PLK5: variants seen among roughly 807,000 people sequenced by gnomAD.
PLK5 encodes the protein inactive serine/threonine-protein kinase PLK5.
Under a neutral mutation model 33.7 loss-of-function variants are expected in PLK5, and 28 were observed. The ratio of observed to expected loss-of-function variants is 0.83; its 90% CI spans 0.62 to 1.14. PLK5 has a LOEUF of 1.14. Ranked by LOEUF, PLK5 falls within the 50% of genes most tolerant of loss-of-function variation. PLK5 has a pLI of 0.00. For synonymous variants in PLK5, 225 were observed against 202.2 expected (o/e 1.11, Z -0.96); for missense variants, 492 against 461.5 (o/e 1.07, Z -0.61).
At chr19:1,534,815 TAAA>T (rs33945378) in intron 13 of PLK5, among the ~76,000 whole-genome samples, 38,905 of 145,950 alleles carry the variant, frequency 0.27, 5,791 homozygotes, top group East Asian at 0.64. Context: ...GGACTCTGTT[TAAA>T]AAAAAAAAAA....
Position 1,535,148 on chromosome 19 carries a change from C to T in PLK5, c.909C>T (p.Ser303=), listed in dbSNP as rs265283. The change falls in exon 14 of 14, where the codon TCC becomes TCT. Residue 303 remains serine, a synonymous_variant. Transcript: ENST00000454744. ...AGCTCACCCTCTGGGAGCAGGGGTC[C>T]CCTGGCACCTCCTACTCCCTGGACG... ...GLQLTLWEQG[S]PGTSYSLDVP... is the part of the protein sequence containing the mutation. 8,649 of 1,535,786 alleles carry T rather than the reference C, an allele frequency of 5.6e-3. 454 individuals are homozygous for T. The African/African-American group carries it at 0.11, about 19-fold the overall frequency.
At chr19:1,531,129 G>A (rs1913916025) in intron 11 of PLK5, among the ~76,000 whole-genome samples, 17 of 151,318 alleles carry the variant, frequency 1.1e-4, no homozygotes, top group Admixed American at 1.1e-3. Flanking sequence ...CCAGAAACGG[G>A]GCAGGGCGTG....
chr19:1,524,670 G>A lies in PLK5; in HGVS notation c.-544+424G>A, dbSNP rs542715332. Among the ~76,000 whole-genome samples, 1 of 151,768 alleles carries A rather than the reference G, an allele frequency of 6.6e-6. No individual in the cohort carries two copies. The highest frequency in any genetic ancestry group is 2.4e-5 in the African/African-American group (1 of 41,348). ...TTGCTTGTTCACCTGTTGTTTGTGC[G>A]TCATGCCTTTGTGTGTCCAGTCATT... On this transcript the variant is annotated intron_variant, in intron 1 of 13. Coordinates refer to ENST00000454744, the MANE Select transcript of PLK5 (RefSeq NM_001243079.2). This position sits in a 1 kb window ranked among gnomAD's most constrained non-coding sequence, Gnocchi z 4.5.
At position 1,535,256 on chromosome 19, in the gene PLK5, C is replaced by G. The variant is rs1914064665; in HGVS notation, c.*6C>G. 1 of 1,534,476 alleles carries G rather than the reference C, an allele frequency of 6.5e-7. No individual in the cohort carries two copies. The highest frequency in any genetic ancestry group is 2.0e-5 in the Admixed American group (1 of 50,730). The stretch of plus-strand genomic sequence containing the variant: ...GCATGCTGCAGAGTATCTAGTGCCC[C>G]TGAGGGTCAGAGTGGACCCCTGCAT... On this transcript the variant is annotated 3_prime_UTR_variant, in exon 14 of 14. Coordinates refer to ENST00000454744, the MANE Select transcript of PLK5 (RefSeq NM_001243079.2).
At chr19:1,534,342 A>G (rs1372192247) in intron 13 of PLK5, among the ~76,000 whole-genome samples, 1 of 151,284 alleles carries the variant, frequency 6.6e-6, no homozygotes, top group African/African-American at 2.4e-5. Context: ...CCCCATCTCT[A>G]CTAAAAATAC....
chr19:1,530,860 C>T lies in PLK5; in HGVS notation c.569-878C>T, dbSNP rs983027749. 9.9e-5 allele frequency among the ~76,000 whole-genome samples: 15 copies of T among 151,174 alleles called. No individual in the cohort carries two copies. In the South Asian group the frequency reaches 1.0e-3, roughly 11 times the overall value. On this transcript the variant is annotated intron_variant, in intron 11 of 13. Coordinates refer to ENST00000454744, the MANE Select transcript of PLK5 (RefSeq NM_001243079.2). Reference sequence around the variant, plus strand: ...GTCTCGATCTCCTGACCTCGTGATCCGCCTGTCTCGGCCTCCCAAAGTGCT... The same window carrying T: ...GTCTCGATCTCCTGACCTCGTGATCTGCCTGTCTCGGCCTCCCAAAGTGCT...
intron 11 of PLK5, 27 bp from the exon 12 acceptor site, chr19:1,531,711 G>C (rs1177935435): frequency 6.5e-7 from 1 of 1,535,462 alleles, no homozygotes. Flanking sequence ...CTGACCCCTG[G>C]CTCAGCATAC....
chr19:1,527,093 A>G (rs1015101102), intron 6 of PLK5, 95 bp downstream of exon 6: 4 of 1,292,846 alleles, frequency 3.1e-6, no homozygotes, highest in South Asian at 1.4e-5. Context: ...ACCGTTGTGC[A>G]GGGTGGGGCG....
At chr19:1,525,969 G>T (rs547381965) in intron 3 of PLK5, among the ~76,000 whole-genome samples, 1 of 151,558 alleles carries the variant, frequency 6.6e-6, no homozygotes, top group Non-Finnish European at 1.5e-5. Flanking sequence ...ACCTGTGACC[G>T]CCTGGGCCCA....
chr19:1,532,095 A>G (rs187886181), intron 12 of PLK5, among the ~76,000 whole-genome samples: 36 of 152,266 alleles, frequency 2.4e-4, no homozygotes, highest in African/African-American at 8.2e-4. Context: ...GAATCTCAGT[A>G]GTGTGGGTAG....
rs1265121024 is a variant in PLK5 at position 1,529,590 on chromosome 19, C to T, written c.490+100C>T. On this transcript the variant is annotated intron_variant, in intron 10 of 13. Coordinates refer to ENST00000454744, the MANE Select transcript of PLK5 (RefSeq NM_001243079.2). ...CGTGGCTTACCAGGGTCACAGCCGCCGTCCCGGCCTCACCTTTCCCGCCTG... is the reference window on the plus strand; with the variant it reads ...CGTGGCTTACCAGGGTCACAGCCGCTGTCCCGGCCTCACCTTTCCCGCCTG... The T allele has an allele frequency of 1.2e-5, 17 of 1,423,148 alleles. 1 individual carries two copies. Among genetic ancestry groups the T allele is most frequent in the South Asian group, 6.1e-5 (5 of 81,682 alleles). 88.2% of individuals were successfully genotyped at this position (1,423,148 alleles called of 1,614,324 possible).
Position 1,531,870 on chromosome 19 carries a change from C to T in PLK5, c.701C>T (p.Ala234Val), listed in dbSNP as rs118008362. 0.042 allele frequency: 62,224 copies of T among 1,489,112 alleles called. 1,634 individuals are homozygous for T. Among genetic ancestry groups the T allele is most frequent in the Non-Finnish European group, 0.048 (54,490 of 1,123,608 alleles). The allele number at this position is 1,489,112 out of a possible 1,614,324, so 92.2% of individuals were successfully genotyped here. A position where few individuals can be genotyped will look rare whatever the true frequency, so the allele number is the denominator to read the frequency against. The change falls in exon 12 of 14, where the codon GCG becomes GTG. Residue 234 changes from alanine to valine, a missense_variant. Physicochemically the swap from Ala to Val is moderately conservative, Grantham distance 64 (BLOSUM62 0). Coordinates refer to ENST00000454744, the MANE Select transcript of PLK5 (RefSeq NM_001243079.2). ...ACGGGACGGCACCCACATGGCCCTGCGACCCCCCGGAGGGTAAGTTGTGGC... is the reference window on the plus strand; with the variant it reads ...ACGGGACGGCACCCACATGGCCCTGTGACCCCCCGGAGGGTAAGTTGTGGC... ...GRTGRHPHGP[A>V]TPRREGTLPT...
At chr19:1,534,131 C>T (rs1361079941) in intron 13 of PLK5, 90 bp downstream of exon 13, 4 of 915,496 alleles carry the variant, frequency 4.4e-6, no homozygotes, top group African/African-American at 3.5e-5. Context: ...TTTGGGGGAG[C>T]CTTAGGAAGC....
chr19:1,524,735 TTG>T lies in PLK5; in HGVS notation c.-544+495_-544+496del, dbSNP rs143501413. 0.065 allele frequency among the ~76,000 whole-genome samples: 9,824 copies of T among 151,522 alleles called. 382 individuals are homozygous for T. The highest frequency in any genetic ancestry group is 0.19 in the East Asian group (963 of 5,138). ...GGTGTTGTGTGTTCATGTGGTGTGC[TTG>T]TGTGTTTGTGTGTTCATATGTGGTG... On this transcript the variant is annotated intron_variant, in intron 1 of 13. Coordinates refer to ENST00000454744, the MANE Select transcript of PLK5 (RefSeq NM_001243079.2). The surrounding 1 kb of genome is among the most constrained non-coding windows in gnomAD (Gnocchi z 4.5).
chr19:1,527,040 G>C lies in PLK5; in HGVS notation c.2+42G>C, dbSNP rs756700468. ...AGAAGGTGGGCAGGGCCTCCGGGGG[G>C]GGCAGGTGTGGCGGGGGGGGAGCCT... On this transcript the variant is annotated intron_variant, in intron 6 of 13. Transcript: ENST00000454744. The C allele has an allele frequency of 7.4e-5, 101 of 1,366,234 alleles. No individual in the cohort carries two copies. In the East Asian group the frequency reaches 2.2e-3, roughly 30 times the overall value. The allele number at this position is 1,366,234 out of a possible 1,614,324, so 84.6% of individuals were successfully genotyped here.
intron 13 of PLK5, 41 bp from the exon 14 acceptor site, chr19:1,535,024 G>C: frequency 6.9e-7 from 1 of 1,458,822 alleles, no homozygotes; most frequent in East Asian, 2.6e-5. Context: ...GCAGGTGCAG[G>C]GGTACCCGTC....
chr19:1,534,952 G>A, intron 13 of PLK5, 113 bp from the exon 14 acceptor site: 2 of 1,022,412 alleles, frequency 2.0e-6, no homozygotes, highest in Non-Finnish European at 2.7e-6. Flanking sequence ...CAGGCACTAG[G>A]GGCCAGACTG....
In PLK5 at chr19:1,532,673, C is replaced by T. The variant is rs536155672; in HGVS notation, c.714+790C>T. On this transcript the variant is annotated intron_variant, in intron 12 of 13. Transcript: ENST00000454744. ...AAGTAGCTGGGATTACAGGTGCCCG[C>T]CACCACTCCTGGCTAATTTTGTATT... Among the ~76,000 whole-genome samples the T allele has an allele frequency of 2.3e-4, 35 of 152,214 alleles. No individual in the cohort carries two copies. The East Asian group carries it at 6.8e-3, about 29-fold the overall frequency.
intron 6 of PLK5, among the ~76,000 whole-genome samples, chr19:1,527,320 G>A (rs966957430): frequency 2.0e-5 from 3 of 152,060 alleles, no homozygotes; most frequent in Non-Finnish European, 2.9e-5. Flanking sequence ...GGAAGGTGGA[G>A]GCCAGGCGCA....
Sources: gnomAD v4.1 joint callset for allele counts (sites outside exome capture counted in the v4.1 genomes callset) on GRCh38, gnomAD v4.1.1 for gene constraint, Gnocchi (gnomAD v3.1) non-coding constraint, MANE v1.5 for transcripts, NCBI Gene and HGNC (gene_info 2026-07-23, HGNC 2026-07-21) for gene names.